The following PTGER3 variants were observed in gnomAD, a reference collection of about 807,000 sequenced individuals.
PTGER3 encodes prostaglandin E receptor 3.
Under a neutral mutation model 34.7 loss-of-function variants are expected in PTGER3, and 22 were observed. The ratio of observed to expected loss-of-function variants is 0.63; its 90% CI spans 0.45 to 0.91. PTGER3 has a LOEUF of 0.91. Ranked by LOEUF, PTGER3 falls within the 40% of genes least tolerant of loss-of-function variation. The pLI, the probability that PTGER3 is intolerant of heterozygous loss-of-function variation, is 0.00. For missense variants in PTGER3, 468 were observed against 519.4 expected (o/e 0.90, Z 0.96); for synonymous variants, 241 against 230.1 (o/e 1.05, Z -0.43).
chr1:70,943,787 G>A (rs1649966482), intron 4 of PTGER3, among the ~76,000 whole-genome samples: 1 of 151,846 alleles, frequency 6.6e-6, no homozygotes, highest in African/African-American at 2.4e-5. Flanking sequence ...TTGAGATGGA[G>A]AGATATTTGA....
chr1:70,918,505 TC>T (rs1359881266), intron 4 of PTGER3, among the ~76,000 whole-genome samples: 1 of 152,064 alleles, frequency 6.6e-6, no homozygotes, highest in African/African-American at 2.4e-5. Context: ...TTCACTTTTT[TC>T]CCAAACAAGA....
intron 4 of PTGER3, among the ~76,000 whole-genome samples, chr1:70,872,038 G>GA: frequency 6.6e-6 from 1 of 152,168 alleles, no homozygotes; most frequent in East Asian, 1.9e-4. Flanking sequence ...CCTCAAACAC[G>GA]ATTGTGTTGA....
exon 4 of PTGER3, chr1:70,953,016 G>T: frequency 6.2e-7 from 1 of 1,611,256 alleles, no homozygotes; most frequent in Non-Finnish European, 8.5e-7. Context: ...CCCACAATGT[G>T]CAGTTGCCCT....
At chr1:70,944,555 CT>C (rs1650046842) in intron 4 of PTGER3, among the ~76,000 whole-genome samples, 1 of 152,044 alleles carries the variant, frequency 6.6e-6, no homozygotes, top group African/African-American at 2.4e-5. Flanking sequence ...TTTTTTAAAT[CT>C]GAATTTTGGT....
At chr1:70,929,516 C>T (rs1648489619) in intron 4 of PTGER3, among the ~76,000 whole-genome samples, 1 of 152,150 alleles carries the variant, frequency 6.6e-6, no homozygotes, top group Non-Finnish European at 1.5e-5. Context: ...TAATCAAATA[C>T]TTTGTAATAC....
chr1:70,973,180 T>C (rs1361398376), intron 3 of PTGER3, among the ~76,000 whole-genome samples: 1 of 149,310 alleles, frequency 6.7e-6, no homozygotes, highest in Admixed American at 6.7e-5. Flanking sequence ...GATAGACAGA[T>C]AGATACATAG....
chr1:71,046,580 G>T, intron 1 of PTGER3, 101 bp downstream of exon 1: 2 of 1,390,970 alleles, frequency 1.4e-6, no homozygotes, highest in Non-Finnish European at 9.5e-7. Flanking sequence ...GCGCTCTGCG[G>T]TTGCAAACAC....
At chr1:71,039,459 G>C (rs1660096354) in intron 1 of PTGER3, among the ~76,000 whole-genome samples, 1 of 151,740 alleles carries the variant, frequency 6.6e-6, no homozygotes, top group Non-Finnish European at 1.5e-5. Context: ...GACCATACTG[G>C]CTAATGCAGT....
chr1:70,989,032 TC>T lies in PTGER3; in HGVS notation c.1078-14645del, dbSNP rs368083973. Among the ~76,000 whole-genome samples the T allele has an allele frequency of 9.9e-3, 1,506 of 151,550 alleles. 36 individuals are homozygous for T. Among genetic ancestry groups the T allele is most frequent in the African/African-American group, 0.035 (1,442 of 41,284 alleles). Reference sequence around the variant, plus strand: ...TAATTTCAAATTGTTTGCATGTAATTCCCCCCCCAAAACTTGTACAATATTT... The same window carrying T: ...TAATTTCAAATTGTTTGCATGTAATTCCCCCCCAAAACTTGTACAATATTT... On this transcript the variant is annotated intron_variant, in intron 2 of 3. Coordinates refer to ENST00000306666, the MANE Select transcript of PTGER3 (RefSeq NM_198719.2).
chr1:70,930,226 T>A (rs1648551653), intron 4 of PTGER3, among the ~76,000 whole-genome samples: 1 of 152,180 alleles, frequency 6.6e-6, no homozygotes, highest in African/African-American at 2.4e-5. Flanking sequence ...AGTTGGGGCA[T>A]GGGTAAAGCA....
chr1:70,868,813 G>A (rs1287939250), intron 4 of PTGER3, among the ~76,000 whole-genome samples: 1 of 152,182 alleles, frequency 6.6e-6, no homozygotes, highest in East Asian at 1.9e-4. Context: ...AATTATAGCT[G>A]CTCTGTAACT....
chr1:70,856,518 G>A (rs1283897002), intron 4 of PTGER3, among the ~76,000 whole-genome samples: 2 of 150,156 alleles, frequency 1.3e-5, no homozygotes, highest in Non-Finnish European at 3.0e-5. Flanking sequence ...AATTCAAGTA[G>A]GTCACAAATG....
At chr1:70,981,238 C>T (rs2100722884) in intron 2 of PTGER3, among the ~76,000 whole-genome samples, 1 of 152,098 alleles carries the variant, frequency 6.6e-6, no homozygotes, top group East Asian at 1.9e-4. Flanking sequence ...ACTATTGTTT[C>T]TTTTTCTTTC....
At chr1:70,865,093 A>T (rs1165327859) in intron 4 of PTGER3, among the ~76,000 whole-genome samples, 4 of 151,536 alleles carry the variant, frequency 2.6e-5, no homozygotes, top group Non-Finnish European at 5.9e-5. Flanking sequence ...GAAAATATGA[A>T]AAAAAATGAT....
intron 2 of PTGER3, among the ~76,000 whole-genome samples, chr1:70,981,261 T>A (rs1654230690): frequency 1.3e-5 from 2 of 152,034 alleles, no homozygotes; most frequent in Non-Finnish European, 2.9e-5. Context: ...CTTTTTTTTC[T>A]TTTCTTTTTC....
chr1:70,912,836 A>T (rs552847765), intron 4 of PTGER3, among the ~76,000 whole-genome samples: 1 of 152,048 alleles, frequency 6.6e-6, no homozygotes, highest in Admixed American at 6.5e-5. Flanking sequence ...CTTAATTCCT[A>T]TTCAGTTTCA....
chr1:70,862,411 G>A, intron 4 of PTGER3: 6 of 1,345,404 alleles, frequency 4.5e-6, no homozygotes, highest in Non-Finnish European at 6.0e-6. Flanking sequence ...TTATGTGATA[G>A]GCAATAGAAA....
chr1:70,866,565 C>A (rs1414172350), intron 4 of PTGER3, among the ~76,000 whole-genome samples: 2 of 152,136 alleles, frequency 1.3e-5, no homozygotes, highest in Non-Finnish European at 2.9e-5. Flanking sequence ...ATCAGGATGA[C>A]CAGACTATGA....
At chr1:70,860,445 T>G (rs1232766952) in intron 4 of PTGER3, among the ~76,000 whole-genome samples, 2 of 152,206 alleles carry the variant, frequency 1.3e-5, no homozygotes, top group African/African-American at 4.8e-5. Context: ...TTTGGCCACC[T>G]GTGACCATGA....
Sources: gnomAD v4.1 joint callset for allele counts (sites outside exome capture counted in the v4.1 genomes callset) on GRCh38, gnomAD v4.1.1 for gene constraint, MANE v1.5 for transcripts, NCBI Gene and HGNC (gene_info 2026-07-23, HGNC 2026-07-21) for gene names.